The following ANXA2 variants were observed in gnomAD, a reference collection of about 807,000 sequenced individuals.
The protein encoded by ANXA2 is annexin II.
Under a neutral mutation model 47.3 loss-of-function variants are expected in ANXA2, and 28 were observed. That is an observed-to-expected ratio of 0.59 (90% CI 0.44 to 0.81). The LOEUF is 0.81. Among genes scored for constraint, ANXA2 ranks in the 40% least tolerant of loss-of-function variants. The probability of loss-of-function intolerance (pLI) is 0.00; values close to 1 mark genes in which losing one functional copy is unlikely to be tolerated. For missense variants in ANXA2, 384 were observed against 414.3 expected (o/e 0.93, Z 0.64); for synonymous variants, 172 against 155.5 (o/e 1.11, Z -0.79).
intron 5 of ANXA2, among the ~76,000 whole-genome samples, chr15:60,359,994 C>T (rs2062489046): frequency 6.6e-6 from 1 of 152,206 alleles, no homozygotes; most frequent in Non-Finnish European, 1.5e-5. Context: ...CGGTGGCTCA[C>T]GCCTGTAATC....
At chr15:60,397,862 A>T (rs1349611925) in intron 1 of ANXA2, 81 bp downstream of exon 1, 53 of 1,386,492 alleles carry the variant, frequency 3.8e-5, no homozygotes, top group Non-Finnish European at 4.7e-5. Flanking sequence ...CCTCCCTGCC[A>T]GGCCGTACCC....
intron 3 of ANXA2, among the ~76,000 whole-genome samples, chr15:60,367,474 C>A (rs1375197833): frequency 1.7e-5 from 1 of 57,560 alleles, no homozygotes; most frequent in African/African-American, 8.7e-5. Flanking sequence ...CCGCCCCGTC[C>A]GGGAGGTGAG....
intron 3 of ANXA2, among the ~76,000 whole-genome samples, chr15:60,369,354 A>C (rs1347512794): frequency 6.6e-6 from 1 of 152,222 alleles, no homozygotes. Flanking sequence ...CTATTAGGAA[A>C]ACCACTTGTT....
At chr15:60,358,534 C>T (rs1045385536) in intron 5 of ANXA2, among the ~76,000 whole-genome samples, 4 of 152,106 alleles carry the variant, frequency 2.6e-5, no homozygotes, top group Non-Finnish European at 1.5e-5. Context: ...TTATATGCCC[C>T]GAAAAAGTAG....
At chr15:60,370,676 A>G (rs2062698980) in intron 3 of ANXA2, among the ~76,000 whole-genome samples, 1 of 152,224 alleles carries the variant, frequency 6.6e-6, no homozygotes, top group African/African-American at 2.4e-5. Context: ...ATGCACAACC[A>G]GTGCCAGGAC....
In ANXA2 at chr15:60,364,588, G is replaced by A. The variant is rs142566008; in HGVS notation, c.149-65C>T. The A allele has an allele frequency of 3.3e-5, 42 of 1,256,144 alleles. 1 individual carries two copies. In the East Asian group the frequency reaches 1.0e-3, roughly 30 times the overall value. The allele number at this position is 1,256,144 out of a possible 1,614,324, so 77.8% of individuals were successfully genotyped here. ...CTAGTATTTTGGGCTTACATAGAAG[G>A]TGTCAAGCAGACTTTTTCAAACTGA... On this transcript the variant is annotated intron_variant, in intron 3 of 12. Transcript: ENST00000451270.
chr15:60,349,126 A>C lies in ANXA2; in HGVS notation c.909T>G (p.Ile303Met). The change falls in exon 12 of 13, where the codon ATT (isoleucine) becomes ATG (methionine). Residue 303 changes from isoleucine to methionine, a missense_variant. Coordinates refer to ENST00000451270, the MANE Select transcript of ANXA2 (RefSeq NM_004039.3). The part of the protein sequence containing the change: ...VSRSEVDMLK[I>M]RSEFKRKYGK... ...CGTACTTTCTCTTGAATTCAGACCT[A>C]ATTTTCAACATGTCCACTTCACTGC... is the stretch of plus-strand genomic sequence containing the variant. The C allele has an allele frequency of 2.5e-6, 4 of 1,613,946 alleles. No homozygotes were observed. The highest frequency in any genetic ancestry group is 3.4e-6 in the Non-Finnish European group (4 of 1,179,938).
chr15:60,354,146 G>C lies in ANXA2; in HGVS notation c.588+8C>G. On this transcript the variant is annotated splice_region_variant and intron_variant, in intron 8 of 12. Transcript: ENST00000451270. ...ACAAAAACTCAAAGCAAAAAGCTCA[G>C]CACTTACCCGAGCATCTTGGTCAAT... The C allele has an allele frequency of 6.2e-7, 1 of 1,613,302 alleles. No individual in the cohort carries two copies. The highest frequency in any genetic ancestry group is 2.2e-5 in the East Asian group (1 of 44,880).
At chr15:60,396,779 G>C (rs1228179191) in intron 1 of ANXA2, among the ~76,000 whole-genome samples, 2 of 152,150 alleles carry the variant, frequency 1.3e-5, no homozygotes, top group Non-Finnish European at 2.9e-5. Context: ...GTACAGTCTG[G>C]GGCCCAGGCC....
chr15:60,359,167 C>G (rs992521435), intron 5 of ANXA2, among the ~76,000 whole-genome samples: 1 of 152,190 alleles, frequency 6.6e-6, no homozygotes, highest in African/African-American at 2.4e-5. Context: ...AATGGAAGAG[C>G]TGGCACAGGG....
intron 7 of ANXA2, among the ~76,000 whole-genome samples, chr15:60,354,619 CA>C (rs5813019): frequency 0.19 from 20,392 of 108,602 alleles, 1,264 homozygotes; most frequent in East Asian, 0.36. Context: ...GACTCTGTCT[CA>C]AAAAAAAAAA....
chr15:60,378,649 T>A (rs1018720343), intron 3 of ANXA2, among the ~76,000 whole-genome samples: 1 of 152,186 alleles, frequency 6.6e-6, no homozygotes, highest in African/African-American at 2.4e-5. Context: ...AAAACCTACT[T>A]ACTCTCTAAA....
chr15:60,349,070 C>T lies in ANXA2; in HGVS notation c.960+5G>A, dbSNP rs747598695. 6.2e-7 allele frequency: 1 copy of T among 1,613,892 alleles called. No individual in the cohort carries two copies. The highest frequency in any genetic ancestry group is 8.5e-7 in the Non-Finnish European group (1 of 1,179,994). On this transcript the variant is annotated splice_donor_5th_base_variant and intron_variant, in intron 12 of 12. Coordinates refer to ENST00000451270, the MANE Select transcript of ANXA2 (RefSeq NM_004039.3). ...GGGCAGGCTGACACTGCACCTCGGGCTTACCTGGATATAATAGTACAGGGA... is the reference window on the plus strand; with the variant it reads ...GGGCAGGCTGACACTGCACCTCGGGTTTACCTGGATATAATAGTACAGGGA...
chr15:60,372,043 G>T (rs1314941812), intron 3 of ANXA2, among the ~76,000 whole-genome samples: 1 of 152,128 alleles, frequency 6.6e-6, no homozygotes, highest in Non-Finnish European at 1.5e-5. Flanking sequence ...CAGCTACTCG[G>T]GAGGCTGAGG....
At chr15:60,388,998 C>G (rs1483066545) in intron 1 of ANXA2, among the ~76,000 whole-genome samples, 1 of 151,872 alleles carries the variant, frequency 6.6e-6, no homozygotes, top group Admixed American at 6.6e-5. Context: ...CAACATGGAC[C>G]AAGAAACATT....
intron 7 of ANXA2, chr15:60,355,373 G>A (rs2062411386): frequency 5.8e-6 from 1 of 173,630 alleles, no homozygotes; most frequent in African/African-American, 2.4e-5. Flanking sequence ...AGGGTTCCCA[G>A]GGTCTCTCGT....
intron 4 of ANXA2, 129 bp downstream of exon 4, chr15:60,364,300 A>G: frequency 1.3e-6 from 1 of 745,838 alleles, no homozygotes. Flanking sequence ...TTAAGAAGAA[A>G]ATCTTAGATA....
rs1694750883 is a variant in ANXA2, at chr15:60,397,979, T to C, written c.-48A>G. 2 of 1,235,732 alleles carry C rather than the reference T, an allele frequency of 1.6e-6. No homozygotes were observed. The highest frequency in any genetic ancestry group is 5.9e-5 in the South Asian group (2 of 33,696). The allele number at this position is 1,235,732 out of a possible 1,614,324, so 76.5% of individuals were successfully genotyped here. A position where few individuals can be genotyped will look rare whatever the true frequency, so the allele number is the denominator to read the frequency against. On this transcript the variant is annotated 5_prime_UTR_variant, in exon 1 of 13. Coordinates refer to ENST00000451270, the MANE Select transcript of ANXA2 (RefSeq NM_004039.3). ...GCCGAGAGCTGAGAGCGTCCCCAAA[T>C]GCTGAGCAGAGCCGGCTGGCCTGGG... is the stretch of plus-strand genomic sequence containing the variant.
At chr15:60,371,383 T>C (rs962345091) in intron 3 of ANXA2, among the ~76,000 whole-genome samples, 1 of 152,116 alleles carries the variant, frequency 6.6e-6, no homozygotes, top group Non-Finnish European at 1.5e-5. Flanking sequence ...ACAGAGAATA[T>C]TTGCAGTTTA....
Sources: gnomAD v4.1 joint callset for allele counts (sites outside exome capture counted in the v4.1 genomes callset) on GRCh38, gnomAD v4.1.1 for gene constraint, MANE v1.5 for transcripts, NCBI Gene and HGNC (gene_info 2026-07-23, HGNC 2026-07-21) for gene names.